The following ZC3H6 variants were observed in gnomAD, a reference collection of about 807,000 sequenced individuals.
The protein encoded by ZC3H6 is zinc finger CCCH domain-containing protein 6.
In ZC3H6, 40 loss-of-function variants were observed where a neutral mutation model predicts 107.7. The observed-to-expected ratio is 0.37, with a 90% CI of 0.29 to 0.48. The LOEUF (loss-of-function observed/expected upper bound fraction) is 0.48, where lower values mean the gene tolerates loss of function less well. ZC3H6 is among the 20% of genes least tolerant of loss of function. The pLI, the probability that ZC3H6 is intolerant of heterozygous loss-of-function variation, is 0.98. For synonymous variants in ZC3H6, 493 were observed against 487.9 expected (o/e 1.01, Z -0.14); for missense variants, 1,267 against 1,410.4 (o/e 0.90, Z 1.63).
At chr2:112,278,417 A>C (rs1319197204) in intron 1 of ZC3H6, among the ~76,000 whole-genome samples, 2 of 152,136 alleles carry the variant, frequency 1.3e-5, no homozygotes, top group Non-Finnish European at 2.9e-5. Context: ...TCCCGCCTTC[A>C]CACCATTCTC....
intron 1 of ZC3H6, among the ~76,000 whole-genome samples, chr2:112,286,753 G>A (rs2104695132): frequency 6.6e-6 from 1 of 152,258 alleles, no homozygotes; most frequent in South Asian, 2.1e-4. Context: ...TTGTTATACT[G>A]TTTAGATATG....
chr2:112,317,424 C>T, intron 7 of ZC3H6, 92 bp downstream of exon 7: 1 of 674,530 alleles, frequency 1.5e-6, no homozygotes, highest in Non-Finnish European at 2.4e-6. Context: ...CCCTATAAAG[C>T]CTAGTTTGGT....
intron 1 of ZC3H6, among the ~76,000 whole-genome samples, chr2:112,292,430 TA>T (rs1418157423): frequency 6.6e-6 from 1 of 152,244 alleles, no homozygotes; most frequent in African/African-American, 2.4e-5. Context: ...CAGTGGCATA[TA>T]CAGCTCTGGA....
chr2:112,288,554 C>A (rs573263690), intron 1 of ZC3H6, among the ~76,000 whole-genome samples: 24 of 152,190 alleles, frequency 1.6e-4, no homozygotes, highest in Non-Finnish European at 2.2e-4. Flanking sequence ...ATAATTTGTT[C>A]ATGTTCATAT....
At position 112,331,630 on chromosome 2, in the gene ZC3H6, A is replaced by G. The variant is rs1338163556; in HGVS notation, c.2712A>G (p.Pro904=). The change falls in exon 12 of 12, where the codon CCA becomes CCG. Residue 904 remains proline, a synonymous_variant. Coordinates refer to ENST00000409871, the MANE Select transcript of ZC3H6 (RefSeq NM_198581.3). ...CTTCAATCAATTTACCTCTGCCCCC[A>G]CTTATAGCTGACCAGAGGCTAAATA... The part of the protein sequence containing the change: ...PVSSINLPLP[P]LIADQRLNRL... The G allele has an allele frequency of 2.5e-6, 4 of 1,613,968 alleles. No homozygotes were observed. Among genetic ancestry groups the G allele is most frequent in the Non-Finnish European group, 3.4e-6 (4 of 1,179,884 alleles).
Position 112,322,666 on chromosome 2 carries a change from A to C in ZC3H6, c.1104A>C (p.Glu368Asp). 6.2e-7 allele frequency: 1 copy of C among 1,604,714 alleles called. No individual in the cohort carries two copies. The change falls in exon 9 of 12, where the codon GAA (glutamate) becomes GAC (aspartate). Residue 368 changes from glutamate (E) to aspartate (D), a missense_variant. Coordinates refer to ENST00000409871, the MANE Select transcript of ZC3H6 (RefSeq NM_198581.3). ...ATTTTTAGGTGTTGAATACTGATGA[A>C]GAACTCATAAATGAAGATGAAAGAG... is the stretch of plus-strand genomic sequence containing the variant. ...KLLDKVLNTD[E>D]ELINEDEREL...
At position 112,338,855 on chromosome 2, in the gene ZC3H6, GTATATATATA is replaced by G. The variant is rs1157174486; in HGVS notation, c.*6416_*6425del. ...TATATATATATGTATGTATATGTGT[GTATATATATA>G]TATATATATATATATATATATATAT... On this transcript the variant is annotated 3_prime_UTR_variant, in exon 12 of 12. Transcript: ENST00000409871. 0.023 allele frequency: 871 copies of G among 37,974 alleles called. 27 individuals carry two copies. Among genetic ancestry groups the G allele is most frequent in the Middle Eastern group, 0.04 (2 of 50 alleles). The allele number at this position is 37,974 out of a possible 1,614,324, so 2.4% of individuals were successfully genotyped here.
At position 112,289,819 on chromosome 2, in the gene ZC3H6, T is replaced by C. The variant is rs561907645; in HGVS notation, c.33-10030T>C. On this transcript the variant is annotated intron_variant, in intron 1 of 11. Transcript: ENST00000409871. ...ACAATGGCCCAATGACAGCTTACTC[T>C]AGCCTCGACCTCCCAGGCTCAGGTG... Among the ~76,000 whole-genome samples the C allele has an allele frequency of 7.2e-5, 11 of 152,356 alleles. No homozygotes were observed. The East Asian group carries it at 2.1e-3, about 29-fold the overall frequency.
Position 112,275,704 on chromosome 2 carries a change from C to T in ZC3H6, c.-291C>T. On this transcript the variant is annotated 5_prime_UTR_variant, in exon 1 of 12. Transcript: ENST00000409871. ...CGTCGCTGCACGCCGCCCGCCCGCT[C>T]CCACGCCACAGCCACCGGCGGCGAA... is the stretch of plus-strand genomic sequence containing the variant. 1 of 417,506 alleles carries T rather than the reference C, an allele frequency of 2.4e-6. No homozygotes were observed. Among genetic ancestry groups the T allele is most frequent in the Non-Finnish European group, 4.2e-6 (1 of 235,722 alleles). The allele number at this position is 417,506 out of a possible 1,614,324, so 25.9% of individuals were successfully genotyped here. A position where few individuals can be genotyped will look rare whatever the true frequency, so the allele number is the denominator to read the frequency against.
chr2:112,295,616 A>G (rs1256117938), intron 1 of ZC3H6, among the ~76,000 whole-genome samples: 1 of 152,170 alleles, frequency 6.6e-6, no homozygotes, highest in African/African-American at 2.4e-5. Context: ...CTGACATTTC[A>G]AAGGGTTTGG....
chr2:112,295,597 C>G (rs867861958), intron 1 of ZC3H6, among the ~76,000 whole-genome samples: 7 of 152,120 alleles, frequency 4.6e-5, no homozygotes, highest in African/African-American at 1.7e-4. Flanking sequence ...TTTCCACATG[C>G]GTCCAAAGCT....
At position 112,309,864 on chromosome 2, in the gene ZC3H6, T is replaced by G; in HGVS notation, c.337-21T>G. On this transcript the variant is annotated intron_variant, in intron 3 of 11. Coordinates refer to ENST00000409871, the MANE Select transcript of ZC3H6 (RefSeq NM_198581.3). ...ATATATAATTGAAAAATCCTGATAA[T>G]GATTGTCCATTTTCACTTAGCGTGG... The G allele has an allele frequency of 1.9e-6, 3 of 1,549,872 alleles. No individual in the cohort carries two copies. The South Asian group carries it at 3.6e-5, about 19-fold the overall frequency.
Position 112,331,531 on chromosome 2 carries a change from C to T in ZC3H6, c.2613C>T (p.Pro871=). Residue 871 remains proline (P), a synonymous_variant, in exon 12 of 12, where the codon CCC becomes CCT. Coordinates refer to ENST00000409871, the MANE Select transcript of ZC3H6 (RefSeq NM_198581.3). The part of the protein sequence containing the change: ...HIKMDITLTK[P]NFAKHIVWAP... Reference sequence around the variant, plus strand: ...AAATGGACATTACTCTAACCAAACCCAACTTTGCAAAACACATCGTGTGGG... The same window carrying T: ...AAATGGACATTACTCTAACCAAACCTAACTTTGCAAAACACATCGTGTGGG... The T allele has an allele frequency of 6.2e-7, 1 of 1,613,974 alleles. No homozygotes were observed. Among genetic ancestry groups the T allele is most frequent in the Non-Finnish European group, 8.5e-7 (1 of 1,179,888 alleles).
Position 112,321,738 on chromosome 2 carries a change from C to A in ZC3H6, c.977-18C>A. ...GACCTTGATTTTACTTGGTCTTTTC[C>A]TTAATATTTTTATTTACATGAATTT... On this transcript the variant is annotated intron_variant, in intron 7 of 11. Coordinates refer to ENST00000409871, the MANE Select transcript of ZC3H6 (RefSeq NM_198581.3). 7.1e-7 allele frequency: 1 copy of A among 1,406,796 alleles called. No individual in the cohort carries two copies. Among genetic ancestry groups the A allele is most frequent in the Non-Finnish European group, 9.5e-7 (1 of 1,051,544 alleles). The allele number at this position is 1,406,796 out of a possible 1,614,324, so 87.1% of individuals were successfully genotyped here. A position where few individuals can be genotyped will look rare whatever the true frequency, so the allele number is the denominator to read the frequency against.
At chr2:112,323,495 C>T (rs1442075865) in intron 9 of ZC3H6, among the ~76,000 whole-genome samples, 1 of 152,118 alleles carries the variant, frequency 6.6e-6, no homozygotes, top group African/African-American at 2.4e-5. Context: ...AGTATTTCTA[C>T]TAATGTCAGG....
rs760900379 is a variant in ZC3H6 at position 112,324,182 on chromosome 2, A to C, written c.1371A>C (p.Pro457=). The change falls in exon 10 of 12, where the codon CCA becomes CCC. Residue 457 remains proline, a synonymous_variant. Coordinates refer to ENST00000409871, the MANE Select transcript of ZC3H6 (RefSeq NM_198581.3). ...CAGCATTTTATACCAGTGCCTCACC[A>C]CCAGGACCACAATTTCAGGGAAGCA... The part of the protein sequence containing the change: ...KPPAFYTSAS[P]PGPQFQGSSP... 1.3e-6 allele frequency: 2 copies of C among 1,590,052 alleles called. No homozygotes were observed. Among genetic ancestry groups the C allele is most frequent in the African/African-American group, 2.7e-5 (2 of 74,534 alleles).
intron 10 of ZC3H6, 108 bp from the exon 11 acceptor site, chr2:112,324,856 G>C: frequency 8.8e-7 from 1 of 1,132,242 alleles, no homozygotes; most frequent in South Asian, 1.6e-5. Context: ...TATTTTAAAT[G>C]ATATAATTTG....
chr2:112,285,904 T>C (rs923008355), intron 1 of ZC3H6, among the ~76,000 whole-genome samples: 10 of 151,834 alleles, frequency 6.6e-5, no homozygotes, highest in Non-Finnish European at 1.3e-4. Context: ...GAGGCTGCAG[T>C]GAGCAGAGAT....
intron 3 of ZC3H6, among the ~76,000 whole-genome samples, chr2:112,303,767 C>T (rs1431747171): frequency 6.6e-6 from 1 of 152,160 alleles, no homozygotes; most frequent in African/African-American, 2.4e-5. Flanking sequence ...GTATATATCA[C>T]ATTTTGTTTA....
Sources: gnomAD v4.1 joint callset for allele counts (sites outside exome capture counted in the v4.1 genomes callset) on GRCh38, gnomAD v4.1.1 for gene constraint, MANE v1.5 for transcripts, NCBI Gene and HGNC (gene_info 2026-07-23, HGNC 2026-07-21) for gene names.